COLEC10: variants seen among roughly 807,000 people sequenced by gnomAD.
COLEC10 encodes collectin-10.
Under a neutral mutation model 28.4 loss-of-function variants are expected in COLEC10, and 22 were observed. The observed-to-expected ratio is 0.78, with a 90% CI of 0.55 to 1.11. The LOEUF is 1.11. COLEC10 is among the 50% of genes least tolerant of loss of function. The pLI, the probability that COLEC10 is intolerant of heterozygous loss-of-function variation, is 0.00. For missense variants in COLEC10, 361 were observed against 344.1 expected, an observed-to-expected ratio of 1.05 and a Z score of -0.39; for synonymous variants, 125 against 116.1, an observed-to-expected ratio of 1.08 and a Z score of -0.49.
chr8:119,040,033 C>A (rs1468795095), intron 2 of COLEC10, among the ~76,000 whole-genome samples: 1 of 152,070 alleles, frequency 6.6e-6, no homozygotes, highest in Non-Finnish European at 1.5e-5. Flanking sequence ...CTGCTTATCC[C>A]AAGAATGTTA....
the COLEC10 span, among the ~76,000 whole-genome samples, chr8:118,962,243 C>G: frequency 6.6e-6 from 1 of 152,190 alleles, no homozygotes; most frequent in Non-Finnish European, 1.5e-5. Context: ...GAGTACCAAC[C>G]TATGCATTCT....
At chr8:119,104,271 A>G (rs1254564453) in intron 5 of COLEC10, among the ~76,000 whole-genome samples, 5 of 152,138 alleles carry the variant, frequency 3.3e-5, no homozygotes, top group Non-Finnish European at 7.4e-5. Flanking sequence ...AGTGCATGGA[A>G]TAGTGCACAA....
chr8:119,029,138 G>A (rs534550252), intron 2 of COLEC10, among the ~76,000 whole-genome samples: 4 of 152,270 alleles, frequency 2.6e-5, no homozygotes, highest in Non-Finnish European at 4.4e-5. Context: ...TCAGAGCACA[G>A]GGTTCCCAAA....
intron 1 of COLEC10, among the ~76,000 whole-genome samples, chr8:119,070,482 CCCCT>C (rs1815090071): frequency 1.4e-5 from 1 of 69,530 alleles, no homozygotes; most frequent in Non-Finnish European, 2.5e-5. Flanking sequence ...TCTCTCCTTC[CCCCT>C]CCTTCCCTCC....
intron 1 of COLEC10, among the ~76,000 whole-genome samples, chr8:119,078,446 A>G (rs1815299805): frequency 6.6e-6 from 1 of 152,180 alleles, no homozygotes; most frequent in Non-Finnish European, 1.5e-5. Flanking sequence ...TGGGACATAA[A>G]TGAAAGACAA....
chr8:118,977,859 T>C, the COLEC10 span, among the ~76,000 whole-genome samples: 2 of 151,996 alleles, frequency 1.3e-5, no homozygotes, highest in African/African-American at 4.8e-5. Flanking sequence ...GCTGTACCAG[T>C]CTCACACTCC....
At chr8:118,955,796 G>T in the COLEC10 span, among the ~76,000 whole-genome samples, 2 of 152,206 alleles carry the variant, frequency 1.3e-5, no homozygotes, top group South Asian at 4.1e-4. Flanking sequence ...TACGGTTGCT[G>T]CATGGAGAGC....
At chr8:119,020,557 G>T (rs1282302651) in intron 2 of COLEC10, among the ~76,000 whole-genome samples, 1 of 152,112 alleles carries the variant, frequency 6.6e-6, no homozygotes, top group African/African-American at 2.4e-5. Flanking sequence ...AAGCTTAGTA[G>T]TATCCCGCCA....
chr8:119,060,027 G>A (rs561026977), intron 2 of COLEC10, among the ~76,000 whole-genome samples: 15 of 152,114 alleles, frequency 9.9e-5, no homozygotes, highest in East Asian at 5.8e-4. Context: ...AGAATATGCC[G>A]TTGAGCCTCA....
chr8:119,050,323 G>T (rs992309216), intron 2 of COLEC10, among the ~76,000 whole-genome samples: 2 of 152,002 alleles, frequency 1.3e-5, no homozygotes, highest in South Asian at 2.1e-4. Context: ...AATAAATAAG[G>T]TTCATTTGGC....
chr8:118,986,863 G>C, the COLEC10 span, among the ~76,000 whole-genome samples: 2 of 152,066 alleles, frequency 1.3e-5, no homozygotes, highest in Non-Finnish European at 2.9e-5. Flanking sequence ...ACAGAAAATT[G>C]GTAGTTTTCA....
chr8:118,960,831 A>G, the COLEC10 span, among the ~76,000 whole-genome samples: 1 of 150,860 alleles, frequency 6.6e-6, no homozygotes, highest in East Asian at 2.0e-4. Context: ...CACATGCAGT[A>G]GAAGGATTAG....
chr8:119,106,074 C>T lies in COLEC10; in HGVS notation c.717C>T (p.Pro239=), dbSNP rs774000075. Residue 239 remains proline, a synonymous_variant, in exon 6 of 6, where the codon CCC becomes CCT. Transcript: ENST00000332843. ...ATAGCAACTGGAATGAGGGGGAACC[C>T]AGCGACCCCTATGGTCATGAGGACT... ...QNYSNWNEGE[P]SDPYGHEDCV... 27 of 1,613,788 alleles carry T rather than the reference C, an allele frequency of 1.7e-5. No homozygotes were observed. The highest frequency in any genetic ancestry group is 3.3e-5 in the Admixed American group (2 of 59,938).
chr8:118,992,690 T>G (rs1483584950), upstream of COLEC10, among the ~76,000 whole-genome samples: 2 of 152,192 alleles, frequency 1.3e-5, no homozygotes, highest in Non-Finnish European at 2.9e-5. Context: ...CTTTAGAAAC[T>G]ATGATAAACT....
At chr8:119,083,872 G>T (rs191799452) in intron 1 of COLEC10, among the ~76,000 whole-genome samples, 1 of 152,220 alleles carries the variant, frequency 6.6e-6, no homozygotes, top group East Asian at 1.9e-4. Flanking sequence ...AAATTCAGGA[G>T]TTGAGCCTAA....
intron 2 of COLEC10, among the ~76,000 whole-genome samples, chr8:119,090,336 C>T (rs1815564405): frequency 6.6e-6 from 1 of 152,084 alleles, no homozygotes; most frequent in Admixed American, 6.6e-5. Flanking sequence ...GGGAGTTGGC[C>T]TCACCAAAAT....
intron 1 of COLEC10, among the ~76,000 whole-genome samples, chr8:119,087,754 G>A (rs1007893734): frequency 6.6e-6 from 1 of 152,004 alleles, no homozygotes; most frequent in African/African-American, 2.4e-5. Context: ...ACAGAACCTA[G>A]ACCAAAAGGG....
intron 2 of COLEC10, among the ~76,000 whole-genome samples, chr8:119,043,299 C>T (rs573369633): frequency 1.3e-5 from 2 of 152,194 alleles, no homozygotes; most frequent in African/African-American, 4.8e-5. Flanking sequence ...TCAGAAGACA[C>T]ATAAAACATT....
At chr8:119,103,481 A>G (rs1253242143) in intron 4 of COLEC10, among the ~76,000 whole-genome samples, 4 of 152,108 alleles carry the variant, frequency 2.6e-5, no homozygotes, top group Non-Finnish European at 5.9e-5. Flanking sequence ...GGGCAGACAC[A>G]TTCTGTGTTC....
Sources: allele counts gnomAD v4.1 joint callset (sites outside exome capture counted in the v4.1 genomes callset), GRCh38; gene constraint gnomAD v4.1.1; transcripts MANE v1.5; gene names NCBI Gene and HGNC (gene_info 2026-07-23, HGNC 2026-07-21).